LRRIQ1: variants seen among roughly 807,000 people sequenced by gnomAD.
The protein encoded by LRRIQ1 is leucine rich repeats and IQ motif containing 1, also known as leucine-rich repeat- and IQ domain-containing protein 1.
A neutral mutation model predicts 211.9 loss-of-function variants in LRRIQ1; 210 were observed. The ratio of observed to expected loss-of-function variants is 0.99; its 90% confidence interval spans 0.89 to 1.11. LRRIQ1 has a LOEUF of 1.11. Among genes scored for constraint, LRRIQ1 ranks in the 50% most tolerant of loss-of-function variants. The pLI is 0.00. For synonymous variants in LRRIQ1, 699 were observed against 650.1 expected (o/e 1.08, Z -1.14); for missense variants, 2,136 against 1,939.5 (o/e 1.10, Z -1.90).
At chr12:85,069,515 C>T (rs559855317) in intron 10 of LRRIQ1, among the ~76,000 whole-genome samples, 60 of 152,120 alleles carry the variant, frequency 3.9e-4, no homozygotes, top group Admixed American at 7.9e-4. Flanking sequence ...GGAATCGCCA[C>T]GCTGACTTCC....
chr12:85,140,571 T>G (rs1019940429), intron 19 of LRRIQ1, among the ~76,000 whole-genome samples: 1 of 151,314 alleles, frequency 6.6e-6, no homozygotes, highest in Non-Finnish European at 1.5e-5. Context: ...CCAGTTCTTA[T>G]ACCTGTTATT....
chr12:85,199,289 T>C (rs539921277), intron 24 of LRRIQ1, among the ~76,000 whole-genome samples: 12 of 152,282 alleles, frequency 7.9e-5, no homozygotes, highest in African/African-American at 2.9e-4. Flanking sequence ...TGATTTTGTA[T>C]CTGGTGTAAG....
At chr12:85,042,796 G>A (rs1879053047) in intron 3 of LRRIQ1, among the ~76,000 whole-genome samples, 1 of 152,068 alleles carries the variant, frequency 6.6e-6, no homozygotes, top group East Asian at 1.9e-4. Flanking sequence ...TAGGAAAGAT[G>A]TTATAACTAA....
chr12:85,147,028 T>A (rs1889938105), intron 19 of LRRIQ1, among the ~76,000 whole-genome samples: 1 of 151,924 alleles, frequency 6.6e-6, no homozygotes, highest in Non-Finnish European at 1.5e-5. Context: ...AATTGCTTTA[T>A]ATAGATGTGT....
chr12:85,046,087 T>A lies in LRRIQ1; in HGVS notation c.404T>A (p.Val135Asp), dbSNP rs140252116. 7 of 1,611,886 alleles carry A rather than the reference T, an allele frequency of 4.3e-6. No homozygotes were observed. The change falls in exon 5 of 27, where the codon GTT becomes GAT. Residue 135 changes from valine to aspartate, a missense_variant. By Grantham distance (152) the Val-to-Asp change is radical (BLOSUM62 -3). Coordinates refer to ENST00000393217, the MANE Select transcript of LRRIQ1 (RefSeq NM_001079910.2). ...SKTDCATPDF[V>D]PEPSPHDLPM... Reference sequence around the variant, plus strand: ...ACCGATTGTGCCACTCCTGATTTTGTTCCTGAGCCTAGTCCTCATGACTTG... The same window carrying A: ...ACCGATTGTGCCACTCCTGATTTTGATCCTGAGCCTAGTCCTCATGACTTG...
intron 19 of LRRIQ1, among the ~76,000 whole-genome samples, chr12:85,149,715 T>A (rs1345373705): frequency 7.3e-6 from 1 of 137,758 alleles, no homozygotes; most frequent in African/African-American, 3.0e-5. Context: ...ACATATAAAT[T>A]CGTTGTCTTG....
chr12:85,140,072 A>G lies in LRRIQ1; in HGVS notation c.4329+2103A>G, dbSNP rs191227894. 2.6e-3 allele frequency among the ~76,000 whole-genome samples: 391 copies of G among 151,424 alleles called. 4 individuals are homozygous for G. The highest frequency in any genetic ancestry group is 9.3e-3 in the African/African-American group (384 of 41,462). On this transcript the variant is annotated intron_variant, in intron 19 of 26. Transcript: ENST00000393217. ...ATGAAAACAATGTAAATGCTTTTAA[A>G]ATACACTTATATGCAAAATCTTTCT...
At chr12:85,239,621 C>T (rs750949264) in intron 26 of LRRIQ1, among the ~76,000 whole-genome samples, 2 of 151,870 alleles carry the variant, frequency 1.3e-5, no homozygotes, top group Non-Finnish European at 2.9e-5. Context: ...TCCTACTTCT[C>T]ATCTTATGAA....
chr12:85,198,690 C>T (rs1377993831), intron 24 of LRRIQ1, among the ~76,000 whole-genome samples: 1 of 151,908 alleles, frequency 6.6e-6, no homozygotes, highest in African/African-American at 2.4e-5. Flanking sequence ...GCCTCAGCTT[C>T]CCAAGTAGCT....
chr12:85,069,088 C>T (rs1882773664), intron 10 of LRRIQ1, among the ~76,000 whole-genome samples: 1 of 141,408 alleles, frequency 7.1e-6, no homozygotes, highest in Non-Finnish European at 1.5e-5. Context: ...TATCCCTCCC[C>T]CCTCCCCCCA....
At chr12:85,149,199 G>T (rs879139186) in intron 19 of LRRIQ1, among the ~76,000 whole-genome samples, 1 of 151,926 alleles carries the variant, frequency 6.6e-6, no homozygotes, top group Non-Finnish European at 1.5e-5. Flanking sequence ...AATTGCTTTT[G>T]GCATTATCGT....
intron 24 of LRRIQ1, among the ~76,000 whole-genome samples, chr12:85,176,567 G>A (rs2136850706): frequency 1.5e-5 from 2 of 129,376 alleles, no homozygotes; most frequent in South Asian, 2.5e-4. Flanking sequence ...ACAGGAAGGG[G>A]AATATCACAC....
intron 26 of LRRIQ1, among the ~76,000 whole-genome samples, chr12:85,240,394 A>G (rs1246509087): frequency 1.3e-5 from 2 of 152,200 alleles, no homozygotes; most frequent in East Asian, 1.9e-4. Flanking sequence ...AAAAAACTTT[A>G]TAAGCTTTAT....
intron 10 of LRRIQ1, among the ~76,000 whole-genome samples, chr12:85,067,399 T>A (rs1017197397): frequency 6.6e-6 from 1 of 151,944 alleles, no homozygotes; most frequent in Non-Finnish European, 1.5e-5. Context: ...CAGAGCTATA[T>A]CTACATGTAA....
At chr12:85,197,439 C>A (rs370833022) in intron 24 of LRRIQ1, among the ~76,000 whole-genome samples, 4,708 of 151,000 alleles carry the variant, frequency 0.031, 223 homozygotes, top group East Asian at 0.2. Flanking sequence ...AAATGTCCAA[C>A]AATGATAGAC....
chr12:85,244,967 T>C lies in LRRIQ1; in HGVS notation c.*26T>C, dbSNP rs1327983078. ...AAATCACAAACGAATTGATGGAACC[T>C]AATGCCAACAAGCATTCTTTTTCAG... On this transcript the variant is annotated 3_prime_UTR_variant, in exon 27 of 27. Transcript: ENST00000393217. The C allele has an allele frequency of 6.2e-7, 1 of 1,603,438 alleles. No homozygotes were observed. Among genetic ancestry groups the C allele is most frequent in the African/African-American group, 1.3e-5 (1 of 74,234 alleles).
intron 24 of LRRIQ1, among the ~76,000 whole-genome samples, chr12:85,196,063 A>G (rs11519789): frequency 1.7e-4 from 26 of 151,996 alleles, no homozygotes; most frequent in Non-Finnish European, 3.1e-4. Context: ...TCATGAGTGA[A>G]CTCCCATTCA....
At chr12:85,236,938 G>C (rs1301087554) in intron 26 of LRRIQ1, among the ~76,000 whole-genome samples, 1 of 146,830 alleles carries the variant, frequency 6.8e-6, no homozygotes, top group Non-Finnish European at 1.5e-5. Context: ...ACATATAGAG[G>C]CAACTTAAGA....
intron 24 of LRRIQ1, among the ~76,000 whole-genome samples, chr12:85,166,952 A>G (rs1260407741): frequency 2.6e-5 from 4 of 152,232 alleles, no homozygotes; most frequent in Non-Finnish European, 5.9e-5. Context: ...TGCCTAATGT[A>G]TAATGGATAG....
Sources: allele counts gnomAD v4.1 joint callset (sites outside exome capture counted in the v4.1 genomes callset), GRCh38; gene constraint gnomAD v4.1.1; transcripts MANE v1.5; gene names NCBI Gene and HGNC (gene_info 2026-07-23, HGNC 2026-07-21).